Variants in EXTL3 observed in about 807,000 individuals in gnomAD.
EXTL3 encodes exostosin like glycosyltransferase 3.
A neutral mutation model predicts 69.3 loss-of-function variants in EXTL3; 27 were observed. The observed-to-expected ratio is 0.39, with a 90% CI of 0.29 to 0.54. The LOEUF (loss-of-function observed/expected upper bound fraction) is 0.54. Among genes scored for constraint, EXTL3 ranks in the 20% least tolerant of loss-of-function variants. The probability of loss-of-function intolerance (pLI) is 0.69; values close to 1 mark genes in which losing one functional copy is unlikely to be tolerated. For missense variants in EXTL3, 1,003 were observed against 1,231.8 expected, an observed-to-expected ratio of 0.81 and a Z score of 2.78; for synonymous variants, 511 against 499.4, an observed-to-expected ratio of 1.02 and a Z score of -0.31.
chr8:28,692,585 A>G (rs1800631147), intron 1 of EXTL3, among the ~76,000 whole-genome samples: 1 of 152,208 alleles, frequency 6.6e-6, no homozygotes, highest in African/African-American at 2.4e-5. Flanking sequence ...ATCAAGTTAT[A>G]TATATTTAAA....
intron 6 of EXTL3, among the ~76,000 whole-genome samples, chr8:28,746,718 T>C (rs1801895865): frequency 6.6e-6 from 1 of 152,158 alleles, no homozygotes; most frequent in South Asian, 2.1e-4. Flanking sequence ...GCTCTTTTGC[T>C]AGGCTGGAGT....
In EXTL3 at chr8:28,751,793, G is replaced by T. The variant is rs1299891763; in HGVS notation, c.*927G>T. On this transcript the variant is annotated 3_prime_UTR_variant, in exon 7 of 7. Coordinates refer to ENST00000220562, the MANE Select transcript of EXTL3 (RefSeq NM_001440.4). ...GCTCTTCTGTTGAAACACACGTGCT[G>T]TGGGCCTCAGGCGTTTCTGAAGTGC... 6.6e-6 allele frequency: 1 copy of T among 152,316 alleles called. No individual in the cohort carries two copies. The highest frequency in any genetic ancestry group is 1.5e-5 in the Non-Finnish European group (1 of 68,118). 9.4% of individuals were successfully genotyped at this position (152,316 alleles called of 1,614,324 possible).
chr8:28,687,250 G>C (rs1281090539), intron 1 of EXTL3, among the ~76,000 whole-genome samples: 1 of 152,232 alleles, frequency 6.6e-6, no homozygotes, highest in Admixed American at 6.5e-5. Context: ...TGGATCACTT[G>C]AGGTCAGGAG....
intron 1 of EXTL3, among the ~76,000 whole-genome samples, chr8:28,675,063 T>C (rs4515502): frequency 0.039 from 5,998 of 152,218 alleles, 399 homozygotes; most frequent in African/African-American, 0.14. Flanking sequence ...TACTTGACTT[T>C]TTAAATTTCT....
chr8:28,611,568 T>C (rs946133904), intron 2 of EXTL3, among the ~76,000 whole-genome samples: 1 of 152,214 alleles, frequency 6.6e-6, no homozygotes, highest in Non-Finnish European at 1.5e-5. Context: ...AATCTTACTG[T>C]AGCTGAAATG....
chr8:28,658,636 A>G (rs1337536956), intron 1 of EXTL3, among the ~76,000 whole-genome samples: 1 of 152,070 alleles, frequency 6.6e-6, no homozygotes, highest in East Asian at 1.9e-4. Flanking sequence ...GCTGGAGTGC[A>G]GTGGCACAAT....
Position 28,751,693 on chromosome 8 carries a change from A to C in EXTL3, c.*827A>C, listed in dbSNP as rs989741621. ...TGCTCTCCCATTTCTCTCTTGTTTG[A>C]GAGAGAATGAGGAAGCAAAGAGTGA... On this transcript the variant is annotated 3_prime_UTR_variant, in exon 7 of 7. Transcript: ENST00000220562. 9.3e-5 allele frequency: 14 copies of C among 151,022 alleles called. No individual in the cohort carries two copies. The highest frequency in any genetic ancestry group is 3.5e-4 in the African/African-American group (14 of 40,366). 9.4% of individuals were successfully genotyped at this position (151,022 alleles called of 1,614,324 possible). A position where few individuals can be genotyped will look rare whatever the true frequency, so the allele number is the denominator to read the frequency against.
intron 1 of EXTL3, among the ~76,000 whole-genome samples, chr8:28,639,518 G>T (rs1388175774): frequency 2.0e-5 from 3 of 152,208 alleles, no homozygotes; most frequent in Non-Finnish European, 4.4e-5. Flanking sequence ...AAAACTCCGT[G>T]TTACGTTTTC....
intron 2 of EXTL3, among the ~76,000 whole-genome samples, chr8:28,612,707 G>A (rs1806287103): frequency 1.3e-5 from 2 of 151,848 alleles, no homozygotes; most frequent in Admixed American, 1.3e-4. Context: ...CTATCGATGT[G>A]ATGGATTACA....
intron 1 of EXTL3, among the ~76,000 whole-genome samples, chr8:28,662,178 A>G (rs1481470953): frequency 6.6e-6 from 1 of 152,086 alleles, no homozygotes; most frequent in Non-Finnish European, 1.5e-5. Context: ...TTAAAATAAT[A>G]CCTGGACAAG....
intron 1 of EXTL3, among the ~76,000 whole-genome samples, chr8:28,654,660 C>T (rs568589378): frequency 1.3e-5 from 2 of 152,296 alleles, no homozygotes; most frequent in South Asian, 4.1e-4. Context: ...GTAATATCAT[C>T]TCTAATACCA....
Position 28,643,841 on chromosome 8 carries a change from C to T in EXTL3, c.-53+21031C>T, listed in dbSNP as rs1806785488. ...AGTACAGTGTCACAATCACAGCTCACTGTAGGTTCAACCTCTCCGGCTTAA... is the reference window on the plus strand; with the variant it reads ...AGTACAGTGTCACAATCACAGCTCATTGTAGGTTCAACCTCTCCGGCTTAA... On this transcript the variant is annotated intron_variant, in intron 1 of 6. Coordinates refer to the EXTL3 transcript ENST00000523149. Among the ~76,000 whole-genome samples, 3 of 152,294 alleles carry T rather than the reference C, an allele frequency of 2.0e-5. No homozygotes were observed. The South Asian group carries it at 6.2e-4, about 32-fold the overall frequency.
intron 2 of EXTL3, among the ~76,000 whole-genome samples, chr8:28,612,347 G>A (rs1476449788): frequency 6.6e-6 from 1 of 152,018 alleles, no homozygotes; most frequent in Non-Finnish European, 1.5e-5. Flanking sequence ...CCAGCAACTT[G>A]GGAGGCTGAG....
At chr8:28,619,264 G>GCTAAAAAAAAA, upstream of EXTL3, among the ~76,000 whole-genome samples, 1 of 52,156 alleles carries the variant, frequency 1.9e-5, no homozygotes, top group South Asian at 8.9e-4. Flanking sequence ...TTAGCTTAGT[G>GCTAAAAAAAAA]ATAAAAAAAA....
intron 2 of EXTL3, among the ~76,000 whole-genome samples, chr8:28,713,978 C>T (rs1801087424): frequency 6.9e-6 from 1 of 145,046 alleles, no homozygotes; most frequent in Non-Finnish European, 1.5e-5. Context: ...GCGATCTCGG[C>T]TCACTGCAAC....
chr8:28,719,412 G>C (rs1157492154), intron 3 of EXTL3, among the ~76,000 whole-genome samples: 2 of 152,200 alleles, frequency 1.3e-5, no homozygotes, highest in Non-Finnish European at 2.9e-5. Context: ...GCTCTGGGCA[G>C]CTTTAACTGA....
At chr8:28,608,728 G>A (rs2130526911) in intron 2 of EXTL3, among the ~76,000 whole-genome samples, 1 of 152,066 alleles carries the variant, frequency 6.6e-6, no homozygotes, top group South Asian at 2.1e-4. Flanking sequence ...GCCGGTCCTG[G>A]TGGCTCACAT....
chr8:28,728,578 G>T (rs1275812681), intron 3 of EXTL3, among the ~76,000 whole-genome samples: 1 of 152,170 alleles, frequency 6.6e-6, no homozygotes, highest in African/African-American at 2.4e-5. Context: ...TGGGGCTGAG[G>T]TGAAGTCTTA....
chr8:28,694,380 G>A (rs893873522), intron 1 of EXTL3, among the ~76,000 whole-genome samples: 5 of 152,224 alleles, frequency 3.3e-5, no homozygotes, highest in South Asian at 2.1e-4. Context: ...CTAGACAGCC[G>A]ATCTTTTGTA....
Sources: gnomAD v4.1 joint callset for allele counts (sites outside exome capture counted in the v4.1 genomes callset) on GRCh38, gnomAD v4.1.1 for gene constraint, MANE v1.5 for transcripts, NCBI Gene and HGNC (gene_info 2026-07-23, HGNC 2026-07-21) for gene names.